Variants in JARID2 observed in about 807,000 individuals in gnomAD.
The protein encoded by JARID2 is jumonji and AT-rich interaction domain containing 2, also known as protein Jumonji.
A neutral mutation model predicts 125.6 loss-of-function variants in JARID2; 21 were observed. The ratio of observed to expected loss-of-function variants is 0.17; its 90% CI spans 0.12 to 0.24. The LOEUF (loss-of-function observed/expected upper bound fraction) is 0.24, where lower values mean the gene tolerates loss of function less well. JARID2 is among the 10% of genes least tolerant of loss of function. The pLI is 1.00. For missense variants in JARID2, 1,303 were observed against 1,639.6 expected, an observed-to-expected ratio of 0.79 and a Z score of 3.55; for synonymous variants, 736 against 661.6, an observed-to-expected ratio of 1.11 and a Z score of -1.73.
chr6:15,324,763 G>A (rs953329392), intron 1 of JARID2, among the ~76,000 whole-genome samples: 1 of 150,804 alleles, frequency 6.6e-6, no homozygotes, highest in Non-Finnish European at 1.5e-5. Flanking sequence ...TGCTGGGATT[G>A]CAAGTGTGAG....
intron 1 of JARID2, among the ~76,000 whole-genome samples, chr6:15,290,434 G>T (rs1399621950): frequency 6.6e-6 from 1 of 152,140 alleles, no homozygotes; most frequent in African/African-American, 2.4e-5. Context: ...AGTAGTCTTT[G>T]TTGAGGATTA....
chr6:15,343,642 C>T (rs546399461), intron 1 of JARID2, among the ~76,000 whole-genome samples: 1 of 152,318 alleles, frequency 6.6e-6, no homozygotes, highest in South Asian at 2.1e-4. Flanking sequence ...TATCCTGTCA[C>T]TGTGTCCCCC....
Position 15,410,246 on chromosome 6 carries a change from T to C in JARID2, c.204T>C (p.Ser68=), listed in dbSNP as rs748827034. 1 of 1,614,090 alleles carries C rather than the reference T, an allele frequency of 6.2e-7. No homozygotes were observed. Among genetic ancestry groups the C allele is most frequent in the South Asian group, 1.1e-5 (1 of 91,082 alleles). ...TAGGGCTCCTTGGTAATGACCAGTC[T>C]AAGGGATTAGGACCAGCATCAGAAC... The part of the protein sequence containing the change: ...TVNGLLGNDQ[S]KGLGPASEQS... The change falls in exon 3 of 18, where the codon TCT becomes TCC. Residue 68 remains serine, a synonymous_variant. Coordinates refer to ENST00000341776, the MANE Select transcript of JARID2 (RefSeq NM_004973.4).
chr6:15,468,238 T>A (rs1016785689), intron 4 of JARID2, among the ~76,000 whole-genome samples: 2 of 151,912 alleles, frequency 1.3e-5, no homozygotes, highest in African/African-American at 4.8e-5. Context: ...GTAGGTGTTT[T>A]TATTTTATTA....
In JARID2 at chr6:15,520,582, GA is replaced by G. The variant is rs1364204345; in HGVS notation, c.*336del. On this transcript the variant is annotated 3_prime_UTR_variant, in exon 18 of 18. Coordinates refer to ENST00000341776, the MANE Select transcript of JARID2 (RefSeq NM_004973.4). Reference sequence around the variant, plus strand: ...TTTTTTTTTTTGTAACTGTTGGGGGGAAAAAGGCTTTTTAACCCATTTTTGA... The same window carrying G: ...TTTTTTTTTTTGTAACTGTTGGGGGGAAAAGGCTTTTTAACCCATTTTTGA... 3.4e-5 allele frequency: 10 copies of G among 294,640 alleles called. No homozygotes were observed. The highest frequency in any genetic ancestry group is 1.2e-4 in the South Asian group (4 of 32,570). 18.3% of individuals were successfully genotyped at this position (294,640 alleles called of 1,614,324 possible).
chr6:15,521,096 A>AGG lies in JARID2; in HGVS notation c.*845_*846insGG, dbSNP rs1451549467. The AGG allele has an allele frequency of 3.8e-5, 6 of 158,292 alleles. No homozygotes were observed. Among genetic ancestry groups the AGG allele is most frequent in the African/African-American group, 1.5e-4 (6 of 39,388 alleles). 9.8% of individuals were successfully genotyped at this position (158,292 alleles called of 1,614,324 possible). ...TAAAAAAAAAAAAAAAAAAAAGGAA[A>AGG]AAAAAGTGATGGAAGCCGTAAGTGC... On this transcript the variant is annotated 3_prime_UTR_variant, in exon 18 of 18. Coordinates refer to ENST00000341776, the MANE Select transcript of JARID2 (RefSeq NM_004973.4).
At chr6:15,464,828 C>T (rs917519851) in intron 4 of JARID2, among the ~76,000 whole-genome samples, 27 of 152,132 alleles carry the variant, frequency 1.8e-4, no homozygotes, top group Non-Finnish European at 5.9e-5. Flanking sequence ...TGCCAATTAC[C>T]TGAATAGAAG....
intron 2 of JARID2, 69 bp from the exon 3 acceptor site, chr6:15,410,155 T>A: frequency 7.0e-7 from 1 of 1,428,148 alleles, no homozygotes; most frequent in Non-Finnish European, 9.8e-7. Flanking sequence ...TTGTGTAGGG[T>A]TAACTGTGGT....
Position 15,251,434 on chromosome 6 carries a change from C to T in JARID2, c.45+4850C>T, listed in dbSNP as rs536011370. 3.5e-4 allele frequency among the ~76,000 whole-genome samples: 53 copies of T among 152,336 alleles called. No individual in the cohort carries two copies. In the South Asian group the frequency reaches 0.01, roughly 29 times the overall value. On this transcript the variant is annotated intron_variant, in intron 1 of 17. Coordinates refer to ENST00000341776, the MANE Select transcript of JARID2 (RefSeq NM_004973.4). ...TGATCATCCTGATGTTACTGGTCCA[C>T]GTCTCCCCCAGGATTACAGTAGTAG... is the stretch of plus-strand genomic sequence containing the variant.
intron 1 of JARID2, among the ~76,000 whole-genome samples, chr6:15,353,985 G>C (rs1299636059): frequency 1.3e-5 from 2 of 152,184 alleles, no homozygotes; most frequent in African/African-American, 2.4e-5. Flanking sequence ...CTCTGTGCCA[G>C]CACATCCCTG....
intron 3 of JARID2, among the ~76,000 whole-genome samples, chr6:15,418,051 C>G (rs1239014626): frequency 6.6e-6 from 1 of 152,146 alleles, no homozygotes; most frequent in Non-Finnish European, 1.5e-5. Flanking sequence ...TAAATTTCCT[C>G]TGCCGAGCTT....
chr6:15,391,145 G>GT (rs1554131113), intron 2 of JARID2, among the ~76,000 whole-genome samples: 1 of 151,770 alleles, frequency 6.6e-6, no homozygotes, highest in Non-Finnish European at 1.5e-5. Flanking sequence ...AAGTTGGTTT[G>GT]CCCCCTTCTA....
intron 1 of JARID2, among the ~76,000 whole-genome samples, chr6:15,334,505 T>A (rs988877384): frequency 6.6e-6 from 1 of 152,238 alleles, no homozygotes; most frequent in African/African-American, 2.4e-5. Flanking sequence ...GATCACCCCC[T>A]CTTCATTTCA....
At chr6:15,392,128 G>T (rs913703552) in intron 2 of JARID2, among the ~76,000 whole-genome samples, 2 of 151,866 alleles carry the variant, frequency 1.3e-5, no homozygotes, top group Non-Finnish European at 1.5e-5. Context: ...AGGTTTTAGT[G>T]CCACTTTGTC....
intron 6 of JARID2, among the ~76,000 whole-genome samples, chr6:15,492,479 A>G (rs901404947): frequency 2.6e-5 from 4 of 152,210 alleles, no homozygotes; most frequent in Non-Finnish European, 4.4e-5. Flanking sequence ...TAACAAGGTA[A>G]GACAATGCCT....
At chr6:15,498,188 C>T (rs1770559298) in intron 7 of JARID2, among the ~76,000 whole-genome samples, 1 of 152,198 alleles carries the variant, frequency 6.6e-6, no homozygotes, top group South Asian at 2.1e-4. Flanking sequence ...CTCTGAGCTT[C>T]AGTTTCTCTG....
intron 1 of JARID2, among the ~76,000 whole-genome samples, chr6:15,329,179 GTTT>G (rs11343556): frequency 1.7e-5 from 1 of 57,390 alleles, no homozygotes; most frequent in African/African-American, 6.1e-5. Context: ...CTTTAATATG[GTTT>G]TTTTTTTTTG....
At chr6:15,463,301 G>A (rs1488711672) in intron 4 of JARID2, among the ~76,000 whole-genome samples, 2 of 152,174 alleles carry the variant, frequency 1.3e-5, no homozygotes, top group Non-Finnish European at 2.9e-5. Context: ...GTGATATGAT[G>A]TGGTGTTCCA....
intron 1 of JARID2, among the ~76,000 whole-genome samples, chr6:15,333,736 C>G (rs944051740): frequency 1.3e-5 from 2 of 152,128 alleles, no homozygotes; most frequent in Non-Finnish European, 2.9e-5. Context: ...TCTTATTTAT[C>G]TAACCATCAT....
Sources: allele counts gnomAD v4.1 joint callset (sites outside exome capture counted in the v4.1 genomes callset), GRCh38; gene constraint gnomAD v4.1.1; transcripts MANE v1.5; gene names NCBI Gene and HGNC (gene_info 2026-07-23, HGNC 2026-07-21).